Variants in EFCAB12 observed in about 807,000 individuals in gnomAD.
The protein encoded by EFCAB12 is EF-hand calcium binding domain 12, also known as EF-hand calcium-binding domain-containing protein 12.
Under a neutral mutation model 53.6 loss-of-function variants are expected in EFCAB12, and 43 were observed. That is an observed-to-expected ratio of 0.80 (90% confidence interval 0.63 to 1.03). The LOEUF is 1.03. EFCAB12 is among the 50% of genes least tolerant of loss of function. The pLI is 0.00. For synonymous variants in EFCAB12, 269 were observed against 289.2 expected (o/e 0.93, Z 0.71); for missense variants, 646 against 730.6 (o/e 0.88, Z 1.34).
intron 8 of EFCAB12, 34 bp downstream of exon 8, chr3:129,402,489 T>G (rs1410439207): frequency 6.2e-7 from 1 of 1,602,826 alleles, no homozygotes; most frequent in East Asian, 2.2e-5. Context: ...CCTCCCACCT[T>G]CCTTCCTTGT....
At chr3:129,412,388 A>G (rs569795942) in intron 4 of EFCAB12, 1 of 152,156 alleles carries the variant, frequency 6.6e-6, no homozygotes, top group South Asian at 2.1e-4. Context: ...AGGAGACCCC[A>G]TTGCATGAGT....
intron 5 of EFCAB12, among the ~76,000 whole-genome samples, chr3:129,409,592 T>C (rs1390784080): frequency 6.6e-6 from 1 of 152,170 alleles, no homozygotes; most frequent in African/African-American, 2.4e-5. Flanking sequence ...ACCTTGTTTT[T>C]TAACAAGGAA....
At chr3:129,417,248 C>T (rs546597430) in intron 3 of EFCAB12, among the ~76,000 whole-genome samples, 1 of 146,288 alleles carries the variant, frequency 6.8e-6, no homozygotes, top group Non-Finnish European at 1.5e-5. Flanking sequence ...TTGCTTGAAC[C>T]TGGGAGGCGG....
chr3:129,405,321 C>G (rs1217424207), intron 6 of EFCAB12, among the ~76,000 whole-genome samples: 1 of 151,478 alleles, frequency 6.6e-6, no homozygotes, highest in Non-Finnish European at 1.5e-5. Flanking sequence ...TACGCTCCAG[C>G]GAGTTAATGT....
chr3:129,404,550 G>A (rs1313180273), intron 6 of EFCAB12, 147 bp from the exon 7 acceptor site: 1 of 957,994 alleles, frequency 1.0e-6, no homozygotes, highest in African/African-American at 1.9e-5. Context: ...ACTTTTTATT[G>A]TTGAATAGTT....
intron 6 of EFCAB12, among the ~76,000 whole-genome samples, chr3:129,408,030 G>C (rs35580429): frequency 0.34 from 52,371 of 152,082 alleles, 13,682 homozygotes; most frequent in African/African-American, 0.7. Context: ...TGCTCACCCC[G>C]CAGAGACACA....
Position 129,421,442 on chromosome 3 carries a change from G to C in EFCAB12, c.411C>G (p.Ala137=), listed in dbSNP as rs752678319. ...CCTCGTGGATCATGTGTAAGACCTT[G>C]GCCTCTGAAGGCGTGATGCTGGGCT... ...ENKPSITPSE[A]KVLHMIHEEQ... is the part of the protein sequence containing the mutation. The change falls in exon 2 of 9, where the codon GCC becomes GCG. Residue 137 remains alanine (A), a synonymous_variant. Transcript: ENST00000505956. 2.5e-6 allele frequency: 4 copies of C among 1,613,914 alleles called. No homozygotes were observed. The highest frequency in any genetic ancestry group is 3.3e-5 in the Admixed American group (2 of 59,998).
At position 129,401,439 on chromosome 3, in the gene EFCAB12, T is replaced by C; in HGVS notation, c.*154A>G. On this transcript the variant is annotated 3_prime_UTR_variant, in exon 9 of 9. Coordinates refer to ENST00000505956, the MANE Select transcript of EFCAB12 (RefSeq NM_207307.3). ...TCTACCCTCTGAGACACTGGACACTTTGAGTCCAGAGGGAACTGGCCCCCG... is the reference window on the plus strand; with the variant it reads ...TCTACCCTCTGAGACACTGGACACTCTGAGTCCAGAGGGAACTGGCCCCCG... 9.2e-7 allele frequency: 1 copy of C among 1,084,360 alleles called. No individual in the cohort carries two copies. Among genetic ancestry groups the C allele is most frequent in the South Asian group, 1.8e-5 (1 of 54,588 alleles). 67.2% of individuals were successfully genotyped at this position (1,084,360 alleles called of 1,614,324 possible).
At position 129,418,357 on chromosome 3, in the gene EFCAB12, T is replaced by C. The variant is rs1182285441; in HGVS notation, c.578A>G (p.Tyr193Cys). 2.5e-6 allele frequency: 4 copies of C among 1,613,666 alleles called. No individual in the cohort carries two copies. The highest frequency in any genetic ancestry group is 3.4e-6 in the Non-Finnish European group (4 of 1,179,792). Residue 193 changes from tyrosine to cysteine, a missense_variant, in exon 3 of 9, where the codon TAC becomes TGC. By Grantham distance (194) the Tyr-to-Cys change is radical (BLOSUM62 -2). Transcript: ENST00000505956. ...GATCTTGATCTTGCGGCTATGCAGG[T>C]AGGAGTACATGACCGACAGGGCAGG... ...EPPALSVMYS[Y>C]LHSRKIKILE... is the part of the protein sequence containing the mutation.
At chr3:129,403,531 G>T (rs1215941653) in intron 7 of EFCAB12, 2 of 152,338 alleles carry the variant, frequency 1.3e-5, no homozygotes, top group East Asian at 1.9e-4. Context: ...GCTGGCAGGG[G>T]TCTAGAAGCA....
At chr3:129,402,412 G>A (rs909541676) in intron 8 of EFCAB12, 111 bp downstream of exon 8, 1 of 1,221,802 alleles carries the variant, frequency 8.2e-7, no homozygotes, top group Non-Finnish European at 1.2e-6. Context: ...TCTCAGGCCA[G>A]GGCACCGAGC....
rs2072130227 is a variant in EFCAB12 at position 129,417,342 on chromosome 3, A to AAC, written c.681+911_681+912insGT. ...CTGCCTCAAAAAAAAAAAAAAAACC[A>AAC]AAAAAAAAAAACCCAAAACCAAAAA... On this transcript the variant is annotated intron_variant, in intron 3 of 8. Transcript: ENST00000505956. Among the ~76,000 whole-genome samples, 14 of 114,544 alleles carry AAC rather than the reference A, an allele frequency of 1.2e-4. No individual in the cohort carries two copies. The East Asian group carries it at 2.2e-3, about 18-fold the overall frequency. 75.1% of individuals were successfully genotyped at this position (114,544 alleles called of 152,430 possible).
chr3:129,415,147 A>C, intron 4 of EFCAB12, 98 bp downstream of exon 4: 2 of 1,409,440 alleles, frequency 1.4e-6, no homozygotes, highest in Non-Finnish European at 1.9e-6. Flanking sequence ...TGGGGAACAC[A>C]CTGAGGAAGT....
intron 6 of EFCAB12, among the ~76,000 whole-genome samples, chr3:129,408,053 C>T (rs1407371699): frequency 6.6e-6 from 1 of 152,188 alleles, no homozygotes; most frequent in Admixed American, 6.5e-5. Context: ...GGGCTCAGAC[C>T]AGCTTGGATG....
At chr3:129,418,169 C>T (rs1052047234) in intron 3 of EFCAB12, 85 bp downstream of exon 3, 66 of 1,306,258 alleles carry the variant, frequency 5.1e-5, no homozygotes, top group African/African-American at 2.8e-4. Flanking sequence ...CCCAGCATGG[C>T]GGGGGAGGGG....
intron 6 of EFCAB12, among the ~76,000 whole-genome samples, chr3:129,405,926 G>A (rs1414488899): frequency 6.6e-6 from 1 of 152,090 alleles, no homozygotes; most frequent in African/African-American, 2.4e-5. Flanking sequence ...GCTAGCAGAA[G>A]CCAGGGGTGG....
At chr3:129,419,801 AGCAAGAGAGGCCAG>A (rs1336537281) in intron 2 of EFCAB12, among the ~76,000 whole-genome samples, 1 of 152,250 alleles carries the variant, frequency 6.6e-6, no homozygotes, top group Non-Finnish European at 1.5e-5. Flanking sequence ...CTTCTGTGAC[AGCAAGAGAGGCCAG>A]GCTAAGACAC....
At chr3:129,422,385 C>G (rs1453253466) in intron 1 of EFCAB12, among the ~76,000 whole-genome samples, 2 of 152,168 alleles carry the variant, frequency 1.3e-5, no homozygotes, top group Non-Finnish European at 2.9e-5. Context: ...TGAAGCCCTT[C>G]CATGACTTTT....
intron 2 of EFCAB12, 130 bp downstream of exon 2, chr3:129,421,237 C>T (rs761417817): frequency 9.5e-5 from 100 of 1,049,942 alleles, no homozygotes; most frequent in Non-Finnish European, 1.2e-4. Flanking sequence ...ATACACCTCC[C>T]TCTCAAGACT....
Sources: allele counts gnomAD v4.1 joint callset (sites outside exome capture counted in the v4.1 genomes callset), GRCh38; gene constraint gnomAD v4.1.1; transcripts MANE v1.5; gene names NCBI Gene and HGNC (gene_info 2026-07-23, HGNC 2026-07-21).